Variants in RTN3 observed in about 807,000 individuals in gnomAD.
The protein encoded by RTN3 is reticulon 3, also known as reticulon-3.
In RTN3, 49 loss-of-function variants were observed where a neutral mutation model predicts 77.8. That is an observed-to-expected ratio of 0.63 (90% confidence interval 0.50 to 0.80). The LOEUF (loss-of-function observed/expected upper bound fraction) is 0.80. Ranked by LOEUF, RTN3 falls within the 30% of genes least tolerant of loss-of-function variation. RTN3 has a pLI of 0.00. For missense variants in RTN3, 1,236 were observed against 1,211.9 expected, an observed-to-expected ratio of 1.02 and a Z score of -0.29; for synonymous variants, 464 against 446.9, an observed-to-expected ratio of 1.04 and a Z score of -0.48.
intron 2 of RTN3, among the ~76,000 whole-genome samples, chr11:63,716,371 A>G (rs775551684): frequency 1.3e-5 from 2 of 152,224 alleles, no homozygotes; most frequent in Admixed American, 1.3e-4. Context: ...TCCCAAAAGA[A>G]CTTCTCTGTC....
At chr11:63,712,592 TCTC>T (rs2011190498) in intron 2 of RTN3, among the ~76,000 whole-genome samples, 1 of 151,404 alleles carries the variant, frequency 6.6e-6, no homozygotes, top group African/African-American at 2.4e-5. Context: ...TTCAAGCGAT[TCTC>T]CTGCCTCAGT....
At chr11:63,708,121 A>T (rs1018887363) in intron 2 of RTN3, among the ~76,000 whole-genome samples, 1 of 152,150 alleles carries the variant, frequency 6.6e-6, no homozygotes, top group African/African-American at 2.4e-5. Flanking sequence ...GGTTAACTGT[A>T]TTAAAACCCT....
At chr11:63,730,049 CT>C (rs1472820422) in intron 3 of RTN3, among the ~76,000 whole-genome samples, 2 of 152,176 alleles carry the variant, frequency 1.3e-5, no homozygotes, top group Non-Finnish European at 2.9e-5. Flanking sequence ...TCACTGCAAC[CT>C]CTGCCTTCCG....
chr11:63,692,870 A>G (rs913021251), intron 1 of RTN3, among the ~76,000 whole-genome samples: 2 of 152,176 alleles, frequency 1.3e-5, no homozygotes, highest in Non-Finnish European at 2.9e-5. Flanking sequence ...GTACTTTTTA[A>G]TGGGAACAAC....
At chr11:63,689,273 T>A (rs558684869) in intron 1 of RTN3, among the ~76,000 whole-genome samples, 2 of 152,248 alleles carry the variant, frequency 1.3e-5, no homozygotes, top group Non-Finnish European at 1.5e-5. Context: ...TTTGTTCTTA[T>A]AATTGACTTA....
Position 63,719,904 on chromosome 11 carries a change from G to C in RTN3, c.1402G>C (p.Val468Leu). Residue 468 changes from valine (V) to leucine (L), a missense_variant, in exon 3 of 9, where the codon GTG becomes CTG. Physicochemically the swap from Val to Leu is conservative, Grantham distance 32. Coordinates refer to ENST00000377819, the MANE Select transcript of RTN3 (RefSeq NM_001265589.2). ...CDSLGSGVAT[V>L]KVVLPDDHLK... ...CTCTTTGGGTTCTGGAGTGGCCACA[G>C]TGAAAGTGGTTTTACCTGATGACCA... 1.2e-6 allele frequency: 2 copies of C among 1,614,158 alleles called. No individual in the cohort carries two copies. The highest frequency in any genetic ancestry group is 4.5e-5 in the East Asian group (2 of 44,878).
At chr11:63,691,308 G>T (rs866832871) in intron 1 of RTN3, among the ~76,000 whole-genome samples, 7 of 151,418 alleles carry the variant, frequency 4.6e-5, no homozygotes, top group Middle Eastern at 3.2e-3. Flanking sequence ...TTTAGTAGAG[G>T]CAGGGTTTCA....
chr11:63,704,775 C>G (rs761312682), intron 1 of RTN3, 76 bp from the exon 2 acceptor site: 8 of 1,024,792 alleles, frequency 7.8e-6, no homozygotes, highest in Non-Finnish European at 1.1e-5. Flanking sequence ...GGCTCTTCCT[C>G]CCCATCAAAA....
chr11:63,725,155 G>C (rs1442909847), intron 3 of RTN3, among the ~76,000 whole-genome samples: 1 of 152,024 alleles, frequency 6.6e-6, no homozygotes. Flanking sequence ...ACGTAACACC[G>C]TCATGGACCT....
intron 3 of RTN3, among the ~76,000 whole-genome samples, chr11:63,730,674 A>G (rs950220896): frequency 6.6e-6 from 1 of 152,050 alleles, no homozygotes; most frequent in South Asian, 2.1e-4. Context: ...TTCAAAAATT[A>G]ACTGGTTTGG....
In RTN3 at chr11:63,720,584, T is replaced by C. The variant is rs1422606516; in HGVS notation, c.2082T>C (p.His694=). 4 of 1,614,032 alleles carry C rather than the reference T, an allele frequency of 2.5e-6. No homozygotes were observed. Among genetic ancestry groups the C allele is most frequent in the Non-Finnish European group, 3.4e-6 (4 of 1,180,000 alleles). ...CAACTCCTCCTGTAGAAGTCTTACA[T>C]GAAAATGAGTCCGGTGGTTCTGAAA... ...FKTTPPVEVL[H]ENESGGSEIK... Residue 694 remains histidine, a synonymous_variant, in exon 3 of 9, where the codon CAT becomes CAC. Coordinates refer to ENST00000377819, the MANE Select transcript of RTN3 (RefSeq NM_001265589.2).
chr11:63,684,417 G>A (rs1941258261), intron 1 of RTN3, among the ~76,000 whole-genome samples: 2 of 152,020 alleles, frequency 1.3e-5, no homozygotes, highest in Non-Finnish European at 2.9e-5. Flanking sequence ...AAAATGCTGG[G>A]AATACAGGCA....
chr11:63,713,327 C>T (rs1472170213), intron 2 of RTN3, among the ~76,000 whole-genome samples: 1 of 151,996 alleles, frequency 6.6e-6, no homozygotes, highest in African/African-American at 2.4e-5. Context: ...TTCTCACCCA[C>T]CCCCCATTTT....
chr11:63,713,465 A>G (rs2011223489), intron 2 of RTN3, among the ~76,000 whole-genome samples: 1 of 152,016 alleles, frequency 6.6e-6, no homozygotes, highest in Admixed American at 6.6e-5. Context: ...GTATGCCACC[A>G]TGACTGGCTA....
chr11:63,719,838 A>G lies in RTN3; in HGVS notation c.1336A>G (p.Thr446Ala). 3 of 1,614,186 alleles carry G rather than the reference A, an allele frequency of 1.9e-6. No homozygotes were observed. The highest frequency in any genetic ancestry group is 2.5e-6 in the Non-Finnish European group (3 of 1,180,038). The stretch of plus-strand genomic sequence containing the variant: ...AGGCAATATGCAGAAACAGGATGAC[A>G]CACTTGCAGAATTACCTGGATCTCC... The part of the protein sequence containing the change: ...VQGNMQKQDD[T>A]LAELPGSPPE... The change falls in exon 3 of 9, where the codon ACA becomes GCA. Residue 446 changes from threonine to alanine, a missense_variant. Coordinates refer to ENST00000377819, the MANE Select transcript of RTN3 (RefSeq NM_001265589.2).
At chr11:63,724,173 C>CTTTTTT (rs958114305) in intron 3 of RTN3, among the ~76,000 whole-genome samples, 7 of 85,464 alleles carry the variant, frequency 8.2e-5, no homozygotes, top group Admixed American at 1.2e-4. Context: ...TTTAGGAATT[C>CTTTTTT]TTTTTTTTTT....
At chr11:63,729,456 T>G (rs1218949010) in intron 3 of RTN3, among the ~76,000 whole-genome samples, 3 of 117,718 alleles carry the variant, frequency 2.5e-5, no homozygotes, top group Non-Finnish European at 4.9e-5. Context: ...TTTTTTTTTT[T>G]TTTGTTTGTT....
intron 1 of RTN3, among the ~76,000 whole-genome samples, chr11:63,702,247 A>G (rs576200398): frequency 3.9e-5 from 6 of 151,922 alleles, no homozygotes; most frequent in African/African-American, 1.2e-4. Flanking sequence ...TTTTATTGAA[A>G]AAGTCATTTT....
At chr11:63,753,586 G>A in intron 6 of RTN3, 76 bp from the exon 7 acceptor site, 19 of 1,338,730 alleles carry the variant, frequency 1.4e-5, no homozygotes, top group Non-Finnish European at 1.9e-5. Flanking sequence ...GAGGAAAAAT[G>A]TATATGTTAC....
Sources: allele counts gnomAD v4.1 joint callset (sites outside exome capture counted in the v4.1 genomes callset), GRCh38; gene constraint gnomAD v4.1.1; transcripts MANE v1.5; gene names NCBI Gene and HGNC (gene_info 2026-07-23, HGNC 2026-07-21).